The following EPHA6 variants were observed in gnomAD, a reference collection of about 807,000 sequenced individuals.
The protein encoded by EPHA6 is ephrin type-A receptor 6.
In EPHA6, 50 loss-of-function variants were observed where a neutral mutation model predicts 112.0. That is an observed-to-expected ratio of 0.45 (90% CI 0.36 to 0.56). The LOEUF (loss-of-function observed/expected upper bound fraction) is 0.56, where lower values mean the gene tolerates loss of function less well. Ranked by LOEUF, EPHA6 falls within the 20% of genes least tolerant of loss-of-function variation. The probability of loss-of-function intolerance (pLI) is 0.00; values close to 1 mark genes in which losing one functional copy is unlikely to be tolerated. For synonymous variants in EPHA6, 529 were observed against 490.7 expected, an observed-to-expected ratio of 1.08 and a Z score of -1.03; for missense variants, 1,280 against 1,417.4, an observed-to-expected ratio of 0.90 and a Z score of 1.56.
intron 3 of EPHA6, among the ~76,000 whole-genome samples, chr3:97,220,700 C>G (rs889832551): frequency 1.3e-5 from 2 of 152,164 alleles, no homozygotes; most frequent in East Asian, 3.9e-4. Flanking sequence ...CACGTGGTCT[C>G]TCCCTTGACA....
chr3:97,187,495 A>G (rs769015345), intron 3 of EPHA6, among the ~76,000 whole-genome samples: 2 of 150,868 alleles, frequency 1.3e-5, no homozygotes, highest in Non-Finnish European at 3.0e-5. Context: ...GCTTGAGCCC[A>G]GGGGGGCAGA....
At chr3:96,996,940 C>A (rs1451713053) in intron 3 of EPHA6, among the ~76,000 whole-genome samples, 1 of 151,998 alleles carries the variant, frequency 6.6e-6, no homozygotes, top group East Asian at 1.9e-4. Flanking sequence ...ACATTGAAAC[C>A]CTAAATGTGG....
chr3:97,357,364 G>A (rs1238377383), intron 5 of EPHA6, among the ~76,000 whole-genome samples: 1 of 152,024 alleles, frequency 6.6e-6, no homozygotes, highest in Non-Finnish European at 1.5e-5. Flanking sequence ...GTGCCACCAT[G>A]CCAAGCTAGT....
chr3:97,443,648 T>C (rs1453399449), intron 6 of EPHA6, among the ~76,000 whole-genome samples: 8 of 152,060 alleles, frequency 5.3e-5, no homozygotes, highest in Admixed American at 5.2e-4. Flanking sequence ...AAAATAAAAA[T>C]AAAGGCAGCC....
intron 10 of EPHA6, among the ~76,000 whole-genome samples, chr3:97,510,010 T>A (rs999811389): frequency 6.6e-6 from 1 of 152,214 alleles, no homozygotes; most frequent in African/African-American, 2.4e-5. Context: ...CTTCATGAAC[T>A]TCTTGTGCTA....
rs567677857 is a variant in EPHA6, at chr3:96,964,936, C to T, written c.451-22394C>T. The stretch of plus-strand genomic sequence containing the variant: ...GTTTAATTGAGCAATGAACAATTCA[C>T]GAATCGGGCAGCCCCCAGAATCACA... On this transcript the variant is annotated intron_variant, in intron 2 of 17. Transcript: ENST00000389672. Among the ~76,000 whole-genome samples, 19 of 152,224 alleles carry T rather than the reference C, an allele frequency of 1.2e-4. No individual in the cohort carries two copies. In the South Asian group the frequency reaches 3.1e-3, roughly 25 times the overall value.
At chr3:97,341,321 C>A (rs770103115) in intron 5 of EPHA6, among the ~76,000 whole-genome samples, 1 of 151,616 alleles carries the variant, frequency 6.6e-6, no homozygotes, top group Admixed American at 6.6e-5. Context: ...CAGCTGGAGT[C>A]TCTTGTTATG....
chr3:97,240,939 T>C (rs370385577), intron 4 of EPHA6, among the ~76,000 whole-genome samples: 2 of 151,760 alleles, frequency 1.3e-5, no homozygotes, highest in East Asian at 1.9e-4. Flanking sequence ...ACAGTTATGT[T>C]TAAAAACAAT....
At chr3:97,198,799 G>A (rs1039315505) in intron 3 of EPHA6, among the ~76,000 whole-genome samples, 4 of 152,052 alleles carry the variant, frequency 2.6e-5, no homozygotes, top group Non-Finnish European at 4.4e-5. Context: ...GCTAGTGTCT[G>A]AACATGCTTT....
chr3:97,442,356 C>A (rs188647347), intron 6 of EPHA6, among the ~76,000 whole-genome samples: 1 of 152,042 alleles, frequency 6.6e-6, no homozygotes, highest in Non-Finnish European at 1.5e-5. Context: ...GAGGCCAAGG[C>A]GAGTGGACCA....
chr3:97,748,695 T>A lies in EPHA6; in HGVS notation c.3387T>A (p.His1129Gln), dbSNP rs775191642. 2 of 1,552,810 alleles carry A rather than the reference T, an allele frequency of 1.3e-6. No individual in the cohort carries two copies. Among genetic ancestry groups the A allele is most frequent in the Non-Finnish European group, 1.8e-6 (2 of 1,124,738 alleles). The change falls in exon 18 of 18, where the codon CAT (histidine) becomes CAA (glutamine). Residue 1129 changes from histidine to glutamine, a missense_variant. Around this residue, in one of 4 missense-constraint regions of EPHA6, gnomAD observed 145 missense variants for 153.3 expected, o/e 0.95. Coordinates refer to ENST00000389672, the MANE Select transcript of EPHA6 (RefSeq NM_001080448.3). ...HMMHIQEKGF[H>Q]V ...TGCACATACAGGAGAAGGGATTTCA[T>A]GTATGAAAGTACCACAAGCACCTGT...
intron 2 of EPHA6, among the ~76,000 whole-genome samples, chr3:96,960,177 A>T (rs2041905966): frequency 6.6e-6 from 1 of 152,110 alleles, no homozygotes; most frequent in African/African-American, 2.4e-5. Flanking sequence ...ATTTTGAGGT[A>T]TGTGGCCTAC....
intron 2 of EPHA6, among the ~76,000 whole-genome samples, chr3:96,872,480 G>T (rs990784361): frequency 6.6e-5 from 10 of 152,164 alleles, no homozygotes; most frequent in Non-Finnish European, 1.5e-4. Flanking sequence ...TCTCTCCAAA[G>T]AATGTTTTTT....
chr3:97,275,059 C>A (rs528202895), intron 5 of EPHA6, among the ~76,000 whole-genome samples: 2 of 152,132 alleles, frequency 1.3e-5, no homozygotes, highest in African/African-American at 4.8e-5. Context: ...CACCGGCAGC[C>A]GCTGAACGCA....
intron 11 of EPHA6, among the ~76,000 whole-genome samples, chr3:97,556,458 G>A (rs1169305506): frequency 6.6e-6 from 1 of 152,078 alleles, no homozygotes; most frequent in Non-Finnish European, 1.5e-5. Flanking sequence ...AAGCAAGCAT[G>A]TCCTTCTTCA....
intron 3 of EPHA6, among the ~76,000 whole-genome samples, chr3:97,083,001 T>G (rs375567707): frequency 7.3e-4 from 110 of 151,038 alleles, no homozygotes; most frequent in African/African-American, 2.4e-3. Context: ...TAATAAAATA[T>G]CTTTGAGTCC....
intron 11 of EPHA6, among the ~76,000 whole-genome samples, chr3:97,557,478 A>G (rs959530712): frequency 2.0e-5 from 3 of 151,878 alleles, no homozygotes; most frequent in South Asian, 2.1e-4. Context: ...GGACATTAAT[A>G]TTACCCTACC....
At chr3:97,276,251 C>G (rs963848614) in intron 5 of EPHA6, among the ~76,000 whole-genome samples, 1 of 152,164 alleles carries the variant, frequency 6.6e-6, no homozygotes, top group Non-Finnish European at 1.5e-5. Flanking sequence ...TCTTCAGCCT[C>G]TAAGTGGAGA....
At chr3:97,111,293 G>C (rs2047716785) in intron 3 of EPHA6, among the ~76,000 whole-genome samples, 1 of 152,078 alleles carries the variant, frequency 6.6e-6, no homozygotes, top group South Asian at 2.1e-4. Context: ...CCACTGAATT[G>C]AGTTTTTGAG....
Sources: allele counts gnomAD v4.1 joint callset (sites outside exome capture counted in the v4.1 genomes callset), GRCh38; gene constraint gnomAD v4.1.1; regional missense constraint gnomAD v4.1.1; transcripts MANE v1.5; gene names NCBI Gene and HGNC (gene_info 2026-07-23, HGNC 2026-07-21).